SUGCT: variants seen among roughly 807,000 people sequenced by gnomAD.
SUGCT encodes the protein succinyl-CoA:glutarate-CoA transferase.
In SUGCT, 41 loss-of-function variants were observed where a neutral mutation model predicts 55.0. The observed-to-expected ratio is 0.74, with a 90% CI of 0.58 to 0.97. SUGCT has a LOEUF of 0.97. Among genes scored for constraint, SUGCT ranks in the 50% least tolerant of loss-of-function variants. The pLI is 0.00. For synonymous variants in SUGCT, 187 were observed against 200.4 expected (o/e 0.93, Z 0.56); for missense variants, 568 against 547.8 (o/e 1.04, Z -0.37).
chr7:40,475,797 C>T (rs931088467), intron 11 of SUGCT, among the ~76,000 whole-genome samples: 3 of 152,162 alleles, frequency 2.0e-5, no homozygotes, highest in African/African-American at 4.8e-5. Context: ...AGTGTCAGAG[C>T]AGAGAGGTGC....
At chr7:40,257,822 C>T (rs1249383284) in intron 7 of SUGCT, among the ~76,000 whole-genome samples, 1 of 151,826 alleles carries the variant, frequency 6.6e-6, no homozygotes, top group Non-Finnish European at 1.5e-5. Context: ...TGTAGTGAGC[C>T]GAGATCATGC....
chr7:40,156,029 G>A (rs1467409552), intron 1 of SUGCT, among the ~76,000 whole-genome samples: 3 of 151,864 alleles, frequency 2.0e-5, no homozygotes, highest in African/African-American at 7.3e-5. Flanking sequence ...GCTAATTTTT[G>A]TGTTTTTAGT....
chr7:41,016,135 AG>A, the SUGCT span, among the ~76,000 whole-genome samples: 1 of 152,206 alleles, frequency 6.6e-6, no homozygotes, highest in South Asian at 2.1e-4. Context: ...TGCTATCCAA[AG>A]GCTTTGTAAG....
intron 12 of SUGCT, among the ~76,000 whole-genome samples, chr7:40,516,624 G>C (rs1296144108): frequency 6.6e-6 from 1 of 151,884 alleles, no homozygotes; most frequent in Non-Finnish European, 1.5e-5. Flanking sequence ...AAATTGTTCT[G>C]GCACCCTTGT....
intron 12 of SUGCT, among the ~76,000 whole-genome samples, chr7:40,634,349 A>G (rs1181459127): frequency 6.6e-6 from 1 of 152,296 alleles, no homozygotes; most frequent in Middle Eastern, 3.4e-3. Context: ...CTCGAGGGCT[A>G]CTGCTCTGTG....
At chr7:40,274,073 C>CTTTTTTTTTTTTT (rs386409972) in intron 7 of SUGCT, among the ~76,000 whole-genome samples, 10 of 68,016 alleles carry the variant, frequency 1.5e-4, no homozygotes, top group African/African-American at 3.5e-4. Context: ...TTTTTACCTT[C>CTTTTTTTTTTTTT]TTTTTTTTTT....
chr7:40,334,200 C>T (rs1004012645), intron 9 of SUGCT, among the ~76,000 whole-genome samples: 8 of 152,022 alleles, frequency 5.3e-5, no homozygotes, highest in Non-Finnish European at 1.0e-4. Context: ...TGAATAGTGC[C>T]GCCATGAACA....
intron 7 of SUGCT, among the ~76,000 whole-genome samples, chr7:40,243,458 G>C (rs374037850): frequency 1.6e-4 from 24 of 152,114 alleles, no homozygotes; most frequent in African/African-American, 5.8e-4. Flanking sequence ...TAAAATTAGT[G>C]GTATGTTATG....
chr7:40,615,425 A>G (rs2151780452), intron 12 of SUGCT, among the ~76,000 whole-genome samples: 1 of 152,306 alleles, frequency 6.6e-6, no homozygotes, highest in East Asian at 1.9e-4. Flanking sequence ...ATGTTAATTC[A>G]TGCCCTTTAA....
chr7:40,176,191 C>T (rs1348421077), intron 1 of SUGCT, among the ~76,000 whole-genome samples: 1 of 151,524 alleles, frequency 6.6e-6, no homozygotes, highest in Non-Finnish European at 1.5e-5. Context: ...GAGATCACTC[C>T]AGCCTGGGTG....
intron 12 of SUGCT, among the ~76,000 whole-genome samples, chr7:40,554,671 A>G (rs527862240): frequency 3.3e-5 from 5 of 152,142 alleles, no homozygotes; most frequent in Non-Finnish European, 7.4e-5. Context: ...TGTTCCCTTG[A>G]CTTCCCTTAG....
chr7:40,450,148 G>A (rs1173410558), intron 10 of SUGCT, among the ~76,000 whole-genome samples: 1 of 151,924 alleles, frequency 6.6e-6, no homozygotes, highest in South Asian at 2.1e-4. Context: ...GGGTGGTCTC[G>A]AACTCCTGAC....
intron 11 of SUGCT, among the ~76,000 whole-genome samples, chr7:40,487,180 G>A (rs1428669921): frequency 2.1e-5 from 3 of 141,334 alleles, no homozygotes; most frequent in Non-Finnish European, 4.5e-5. Context: ...CACCGCCCAG[G>A]TTCAAGTGAT....
chr7:40,428,123 T>C (rs1430621272), intron 9 of SUGCT, among the ~76,000 whole-genome samples: 1 of 152,226 alleles, frequency 6.6e-6, no homozygotes, highest in Non-Finnish European at 1.5e-5. Flanking sequence ...TGTTCTGTAA[T>C]GTCCTTCTCT....
chr7:40,352,209 G>C, intron 9 of SUGCT, among the ~76,000 whole-genome samples: 1 of 152,142 alleles, frequency 6.6e-6, no homozygotes, highest in East Asian at 1.9e-4. Context: ...AGAAATAATA[G>C]AGATCCATTT....
intron 12 of SUGCT, among the ~76,000 whole-genome samples, chr7:40,640,779 C>A (rs561595460): frequency 3.3e-5 from 5 of 152,148 alleles, no homozygotes; most frequent in Admixed American, 6.5e-5. Flanking sequence ...TAGTAGAATG[C>A]AAGTCTTTCT....
intron 7 of SUGCT, among the ~76,000 whole-genome samples, chr7:40,244,195 T>C (rs550699348): frequency 6.6e-6 from 1 of 152,100 alleles, no homozygotes; most frequent in East Asian, 1.9e-4. Flanking sequence ...AATTAAAAAA[T>C]ATATATAAAG....
At chr7:40,421,774 C>T (rs906031725) in intron 9 of SUGCT, among the ~76,000 whole-genome samples, 4 of 152,124 alleles carry the variant, frequency 2.6e-5, no homozygotes, top group African/African-American at 7.2e-5. Flanking sequence ...TGAGAAGTCT[C>T]CAGCGCTGAT....
At chr7:40,865,892 T>C in the SUGCT span, among the ~76,000 whole-genome samples, 1 of 152,200 alleles carries the variant, frequency 6.6e-6, no homozygotes, top group Non-Finnish European at 1.5e-5. Context: ...TTCCCTTTGC[T>C]TTCTTCTCCC....
Sources: gnomAD v4.1 joint callset for allele counts (sites outside exome capture counted in the v4.1 genomes callset) on GRCh38, gnomAD v4.1.1 for gene constraint, MANE v1.5 for transcripts, NCBI Gene and HGNC (gene_info 2026-07-23, HGNC 2026-07-21) for gene names.